ADAMTS17: variants seen among roughly 807,000 people sequenced by gnomAD.
The protein encoded by ADAMTS17 is ADAM metallopeptidase with thrombospondin type 1 motif 17.
A neutral mutation model predicts 141.5 loss-of-function variants in ADAMTS17; 113 were observed. The ratio of observed to expected loss-of-function variants is 0.80; its 90% CI spans 0.69 to 0.93. The LOEUF (loss-of-function observed/expected upper bound fraction) is 0.93. Among genes scored for constraint, ADAMTS17 ranks in the 40% least tolerant of loss-of-function variants. The pLI is 0.00. For missense variants in ADAMTS17, 1,659 were observed against 1,517.9 expected (o/e 1.09, Z -1.54); for synonymous variants, 768 against 630.6 (o/e 1.22, Z -3.27).
intron 6 of ADAMTS17, among the ~76,000 whole-genome samples, chr15:100,260,475 G>A (rs952839017): frequency 6.6e-6 from 1 of 151,940 alleles, no homozygotes; most frequent in Non-Finnish European, 1.5e-5. Flanking sequence ...TTAGCCAGGT[G>A]TGGTGGCACA....
chr15:100,298,159 G>A (rs2044890460), intron 3 of ADAMTS17, among the ~76,000 whole-genome samples: 1 of 152,172 alleles, frequency 6.6e-6, no homozygotes. Flanking sequence ...GTCTGGGGAG[G>A]AGAGAGACAG....
intron 20 of ADAMTS17, among the ~76,000 whole-genome samples, chr15:99,991,979 A>C (rs1289790122): frequency 6.6e-6 from 1 of 152,104 alleles, no homozygotes; most frequent in Non-Finnish European, 1.5e-5. Context: ...CAATGAGAAC[A>C]TATGGACACA....
At chr15:100,267,928 G>C (rs1240335403) in intron 4 of ADAMTS17, among the ~76,000 whole-genome samples, 2 of 152,122 alleles carry the variant, frequency 1.3e-5, no homozygotes, top group East Asian at 3.9e-4. Flanking sequence ...ACTGACTATA[G>C]TCACCCTGTT....
At chr15:100,119,587 G>A (rs574529616) in intron 12 of ADAMTS17, among the ~76,000 whole-genome samples, 29 of 152,198 alleles carry the variant, frequency 1.9e-4, no homozygotes, top group African/African-American at 6.5e-4. Context: ...TGCCTAACCC[G>A]CACACAACAA....
intron 15 of ADAMTS17, among the ~76,000 whole-genome samples, chr15:100,083,408 G>C (rs1250608557): frequency 1.3e-5 from 2 of 152,278 alleles, no homozygotes; most frequent in South Asian, 4.1e-4. Flanking sequence ...TATTCATTCT[G>C]TTCCATCCAT....
chr15:100,197,609 G>A (rs2041168951), intron 8 of ADAMTS17, among the ~76,000 whole-genome samples: 1 of 152,136 alleles, frequency 6.6e-6, no homozygotes, highest in African/African-American at 2.4e-5. Context: ...GTTGAGATGA[G>A]ATAACTGTGC....
At chr15:100,299,673 G>C (rs998516285) in intron 3 of ADAMTS17, among the ~76,000 whole-genome samples, 30 of 152,300 alleles carry the variant, frequency 2.0e-4, no homozygotes, top group African/African-American at 7.0e-4. Flanking sequence ...TCCTGGGAAT[G>C]GTTTCTTTTG....
intron 20 of ADAMTS17, among the ~76,000 whole-genome samples, chr15:99,988,457 T>G (rs1193174276): frequency 2.0e-5 from 3 of 152,182 alleles, no homozygotes; most frequent in Non-Finnish European, 2.9e-5. Flanking sequence ...CTATACAGTC[T>G]GCAGAACCAT....
chr15:100,250,232 A>C (rs1451986544), intron 7 of ADAMTS17, among the ~76,000 whole-genome samples: 1 of 152,212 alleles, frequency 6.6e-6, no homozygotes. Context: ...ACCCTAATTA[A>C]AACAACAACA....
At chr15:100,047,404 C>T (rs1376642073) in intron 18 of ADAMTS17, among the ~76,000 whole-genome samples, 1 of 150,956 alleles carries the variant, frequency 6.6e-6, no homozygotes, top group African/African-American at 2.5e-5. Flanking sequence ...TTTTGAAAAT[C>T]CCTAATAAAA....
intron 3 of ADAMTS17, among the ~76,000 whole-genome samples, chr15:100,294,955 G>A (rs117771343): frequency 2.6e-5 from 4 of 152,166 alleles, no homozygotes; most frequent in African/African-American, 4.8e-5. Context: ...ACCAATGGCC[G>A]CAACAACTGG....
chr15:99,992,955 C>T (rs900600524), intron 20 of ADAMTS17, 93 bp downstream of exon 20: 16 of 1,520,902 alleles, frequency 1.1e-5, no homozygotes, highest in East Asian at 4.6e-5. Flanking sequence ...GGGACTGCCG[C>T]GTAGAATTGG....
chr15:100,020,138 G>T (rs967219968), intron 18 of ADAMTS17, among the ~76,000 whole-genome samples: 1 of 152,202 alleles, frequency 6.6e-6, no homozygotes, highest in Non-Finnish European at 1.5e-5. Context: ...ATTAACACCA[G>T]TGGGAGGCCC....
intron 4 of ADAMTS17, among the ~76,000 whole-genome samples, chr15:100,270,153 G>A (rs1413116188): frequency 6.6e-6 from 1 of 151,984 alleles, no homozygotes; most frequent in East Asian, 1.9e-4. Context: ...CTGTGACTCT[G>A]GAGCCATTTC....
rs1247826899 is a variant in ADAMTS17, at chr15:99,971,511, C to T, written c.*2891G>A. 2 of 152,206 alleles carry T rather than the reference C, an allele frequency of 1.3e-5. No individual in the cohort carries two copies. Among genetic ancestry groups the T allele is most frequent in the African/African-American group, 2.4e-5 (1 of 41,462 alleles). The allele number at this position is 152,206 out of a possible 1,614,324, so 9.4% of individuals were successfully genotyped here. A position where few individuals can be genotyped will look rare whatever the true frequency, so the allele number is the denominator to read the frequency against. On this transcript the variant is annotated 3_prime_UTR_variant, in exon 22 of 22. Coordinates refer to ENST00000268070, the MANE Select transcript of ADAMTS17 (RefSeq NM_139057.4). Reference sequence around the variant, plus strand: ...ATGATTAATTTTTCTATATAATTTTCATGTATAATGGCGTCCAATGTTTGT... The same window carrying T: ...ATGATTAATTTTTCTATATAATTTTTATGTATAATGGCGTCCAATGTTTGT...
chr15:100,267,269 C>T (rs2043748422), intron 4 of ADAMTS17, among the ~76,000 whole-genome samples: 1 of 152,010 alleles, frequency 6.6e-6, no homozygotes, highest in Admixed American at 6.6e-5. Context: ...GGCATACTGT[C>T]CTCAAAGTTC....
chr15:100,192,760 A>T (rs1001644125), intron 8 of ADAMTS17, among the ~76,000 whole-genome samples: 6 of 152,196 alleles, frequency 3.9e-5, no homozygotes, highest in Non-Finnish European at 7.3e-5. Context: ...CATCTGGATA[A>T]TGGCTTGCTT....
At chr15:100,309,790 T>C (rs2045345396) in intron 3 of ADAMTS17, among the ~76,000 whole-genome samples, 1 of 152,186 alleles carries the variant, frequency 6.6e-6, no homozygotes, top group Non-Finnish European at 1.5e-5. Flanking sequence ...CCACCCCAAC[T>C]GCCTGGGGGT....
intron 18 of ADAMTS17, among the ~76,000 whole-genome samples, chr15:100,023,759 T>C (rs1296267039): frequency 1.3e-5 from 2 of 152,200 alleles, no homozygotes; most frequent in South Asian, 4.1e-4. Flanking sequence ...TGGTTCTCTA[T>C]GAAGAAAACT....
Sources: gnomAD v4.1 joint callset for allele counts (sites outside exome capture counted in the v4.1 genomes callset) on GRCh38, gnomAD v4.1.1 for gene constraint, MANE v1.5 for transcripts, NCBI Gene and HGNC (gene_info 2026-07-23, HGNC 2026-07-21) for gene names.